Variants in RBFOX1 observed in about 807,000 individuals in gnomAD.
The protein encoded by RBFOX1 is RNA binding protein fox-1 homolog 1.
In RBFOX1, 8 loss-of-function variants were observed where a neutral mutation model predicts 57.7. That is an observed-to-expected ratio of 0.14 (90% CI 0.08 to 0.25). The LOEUF (loss-of-function observed/expected upper bound fraction) is 0.25. RBFOX1 is among the 10% of genes least tolerant of loss of function. The pLI is 1.00. For missense variants in RBFOX1, 611 were observed against 548.5 expected, an observed-to-expected ratio of 1.11 and a Z score of -1.14; for synonymous variants, 326 against 222.4, an observed-to-expected ratio of 1.47 and a Z score of -4.15.
chr16:7,146,969 C>T (rs1332074478), intron 4 of RBFOX1, among the ~76,000 whole-genome samples: 6 of 20,212 alleles, frequency 3.0e-4, no homozygotes, highest in Non-Finnish European at 5.4e-4. Context: ...TAAAAAAGAA[C>T]AACGACTTTT....
intron 14 of RBFOX1, 35 bp from the exon 15 acceptor site, chr16:7,709,021 C>T (rs751827083): frequency 5.8e-6 from 9 of 1,559,950 alleles, no homozygotes; most frequent in Middle Eastern, 1.7e-4. Context: ...TAATTGCATA[C>T]TGTGGATCAA....
chr16:7,491,906 A>G (rs2067091382), intron 4 of RBFOX1, among the ~76,000 whole-genome samples: 1 of 152,196 alleles, frequency 6.6e-6, no homozygotes, highest in Admixed American at 6.5e-5. Flanking sequence ...AAATCTGGCT[A>G]ATTTTCATTG....
intron 1 of RBFOX1, among the ~76,000 whole-genome samples, chr16:5,433,067 AG>A (rs1454843391): frequency 6.6e-6 from 1 of 152,218 alleles, no homozygotes; most frequent in Non-Finnish European, 1.5e-5. Flanking sequence ...TGGAAAACGC[AG>A]GAGACCGAAG....
chr16:7,514,656 G>T (rs546786802), intron 4 of RBFOX1, among the ~76,000 whole-genome samples: 1 of 152,122 alleles, frequency 6.6e-6, no homozygotes, highest in Non-Finnish European at 1.5e-5. Context: ...GTTGGGCAAG[G>T]GGGTAGGTGA....
chr16:5,709,809 T>TCATATATATA (rs1555506306), intron 3 of RBFOX1, among the ~76,000 whole-genome samples: 7 of 14,446 alleles, frequency 4.8e-4, no homozygotes, highest in Non-Finnish European at 9.6e-4. Flanking sequence ...ATCAGTTTCT[T>TCATATATATA]TATATATATA....
chr16:6,068,580 C>T (rs907472606), intron 1 of RBFOX1, among the ~76,000 whole-genome samples: 2 of 152,128 alleles, frequency 1.3e-5, no homozygotes, highest in African/African-American at 4.8e-5. Flanking sequence ...AGGGACTCCC[C>T]AAACCTCCAT....
chr16:7,197,693 G>T (rs560381245), intron 4 of RBFOX1, among the ~76,000 whole-genome samples: 1 of 152,320 alleles, frequency 6.6e-6, no homozygotes, highest in African/African-American at 2.4e-5. Flanking sequence ...ATCACCAGGT[G>T]TGTGGATAAA....
intron 3 of RBFOX1, among the ~76,000 whole-genome samples, chr16:6,770,587 C>T (rs891609639): frequency 6.8e-6 from 1 of 146,978 alleles, no homozygotes; most frequent in African/African-American, 2.7e-5. Context: ...TCAAGGTGTT[C>T]CCTGTTCAAT....
chr16:6,398,002 C>G (rs2092909894), intron 2 of RBFOX1, among the ~76,000 whole-genome samples: 1 of 152,136 alleles, frequency 6.6e-6, no homozygotes, highest in Non-Finnish European at 1.5e-5. Flanking sequence ...AAAAAGCAAA[C>G]AGAAATTAAA....
chr16:6,989,758 G>A (rs1046724879), intron 3 of RBFOX1, among the ~76,000 whole-genome samples: 2 of 152,152 alleles, frequency 1.3e-5, no homozygotes, highest in Non-Finnish European at 2.9e-5. Flanking sequence ...CCAGCACTTT[G>A]GGAGGCTAAG....
intron 4 of RBFOX1, among the ~76,000 whole-genome samples, chr16:7,509,775 C>A (rs1326651853): frequency 1.3e-5 from 2 of 152,090 alleles, no homozygotes; most frequent in African/African-American, 2.4e-5. Context: ...TCCTCTGTCT[C>A]TTCCCTTTTA....
At chr16:6,179,771 A>G (rs1056890084) in intron 1 of RBFOX1, among the ~76,000 whole-genome samples, 1 of 152,206 alleles carries the variant, frequency 6.6e-6, no homozygotes, top group East Asian at 1.9e-4. Context: ...ATCAAGATCA[A>G]AACACATTAT....
At chr16:6,984,986 A>AGG (rs1487109795) in intron 3 of RBFOX1, among the ~76,000 whole-genome samples, 1 of 151,622 alleles carries the variant, frequency 6.6e-6, no homozygotes, top group African/African-American at 2.4e-5. Flanking sequence ...AAAAATCAGG[A>AGG]GGGAGGGCTC....
chr16:6,929,990 T>C (rs890454143), intron 3 of RBFOX1, among the ~76,000 whole-genome samples: 3 of 152,124 alleles, frequency 2.0e-5, no homozygotes, highest in African/African-American at 7.2e-5. Flanking sequence ...GTCCAGGAAG[T>C]AATAGGAAAA....
intron 3 of RBFOX1, among the ~76,000 whole-genome samples, chr16:5,642,835 G>A (rs73529730): frequency 0.038 from 5,762 of 152,184 alleles, 366 homozygotes; most frequent in African/African-American, 0.13. Context: ...TAATACTAGA[G>A]GCAAGGTGCT....
chr16:6,606,432 G>T (rs563274874), intron 2 of RBFOX1, among the ~76,000 whole-genome samples: 143 of 152,146 alleles, frequency 9.4e-4, no homozygotes, highest in Non-Finnish European at 1.7e-3. Context: ...GTAAACGTGT[G>T]CCATAGTGAT....
intron 2 of RBFOX1, among the ~76,000 whole-genome samples, chr16:6,507,038 C>G (rs1325802220): frequency 6.6e-6 from 1 of 152,054 alleles, no homozygotes; most frequent in Non-Finnish European, 1.5e-5. Flanking sequence ...CCTTTTCAAC[C>G]CTACGCTGTC....
chr16:5,592,014 T>G (rs2047024646), intron 2 of RBFOX1, among the ~76,000 whole-genome samples: 1 of 152,232 alleles, frequency 6.6e-6, no homozygotes, highest in East Asian at 1.9e-4. Flanking sequence ...AATTTCTTCT[T>G]TGTCAGTCTC....
At chr16:5,704,276 C>G (rs762087001) in intron 3 of RBFOX1, among the ~76,000 whole-genome samples, 6 of 152,086 alleles carry the variant, frequency 3.9e-5, no homozygotes, top group Non-Finnish European at 7.3e-5. Context: ...GAAGCCCCAG[C>G]CAAACTCCTC....
Sources: gnomAD v4.1 joint callset for allele counts (sites outside exome capture counted in the v4.1 genomes callset) on GRCh38, gnomAD v4.1.1 for gene constraint, MANE v1.5 for transcripts, NCBI Gene and HGNC (gene_info 2026-07-23, HGNC 2026-07-21) for gene names.